The following GALNT10 variants were observed in gnomAD, a reference collection of about 807,000 sequenced individuals.
GALNT10 encodes GalNAc transferase 10.
GALNT10 carries 41 observed loss-of-function variants against 75.0 expected under a neutral mutation model. The observed-to-expected ratio is 0.55, with a 90% CI of 0.43 to 0.71. The LOEUF is 0.71. Ranked by LOEUF, GALNT10 falls within the 30% of genes least tolerant of loss-of-function variation. The probability of loss-of-function intolerance (pLI) is 0.00; values close to 1 mark genes in which losing one functional copy is unlikely to be tolerated. For missense variants in GALNT10, 727 were observed against 818.5 expected, an observed-to-expected ratio of 0.89 and a Z score of 1.36; for synonymous variants, 302 against 313.0, an observed-to-expected ratio of 0.96 and a Z score of 0.37.
chr5:154,349,737 A>T (rs55928698), intron 4 of GALNT10: 4,935 of 151,906 alleles, frequency 0.032, 107 homozygotes, highest in African/African-American at 0.061. Flanking sequence ...AAAAAAAAAA[A>T]TTTTTTTTAG....
intron 4 of GALNT10, among the ~76,000 whole-genome samples, chr5:154,370,233 G>A (rs78205721): frequency 0.012 from 1,787 of 152,316 alleles, 27 homozygotes; most frequent in African/African-American, 0.041. Context: ...GTTCGCAGAC[G>A]CCTCTGGCTT....
At chr5:154,255,149 C>T (rs1753586469) in intron 1 of GALNT10, among the ~76,000 whole-genome samples, 3 of 152,078 alleles carry the variant, frequency 2.0e-5, no homozygotes, top group Admixed American at 2.0e-4. Context: ...TGAGAAAATC[C>T]TTTCCCTAAC....
chr5:154,406,917 TAGAG>T (rs1409582708), intron 8 of GALNT10, among the ~76,000 whole-genome samples: 1 of 152,090 alleles, frequency 6.6e-6, no homozygotes, highest in East Asian at 1.9e-4. Context: ...GAGAGCCAGA[TAGAG>T]AGAGAAACTG....
intron 3 of GALNT10, among the ~76,000 whole-genome samples, chr5:154,320,210 A>G (rs1027859278): frequency 1.3e-5 from 2 of 152,230 alleles, no homozygotes; most frequent in African/African-American, 4.8e-5. Context: ...TTTAAAAGAC[A>G]GGCACACGTT....
chr5:154,241,132 G>T (rs1753329604), intron 1 of GALNT10, among the ~76,000 whole-genome samples: 1 of 152,110 alleles, frequency 6.6e-6, no homozygotes, highest in South Asian at 2.1e-4. Flanking sequence ...TTTGACTGAG[G>T]TTTTTCTGGA....
At chr5:154,415,624 C>T (rs1479116294) in intron 10 of GALNT10, among the ~76,000 whole-genome samples, 159 bp from the exon 11 acceptor site, 1 of 152,144 alleles carries the variant, frequency 6.6e-6, no homozygotes, top group Admixed American at 6.5e-5. Flanking sequence ...GCCACCGCAC[C>T]TGGCCAAGTT....
At chr5:154,198,188 C>G (rs1477376713) in intron 1 of GALNT10, among the ~76,000 whole-genome samples, 2 of 152,216 alleles carry the variant, frequency 1.3e-5, no homozygotes, top group Admixed American at 1.3e-4. Context: ...AGCTTTGGAG[C>G]TACACTGCCT....
At chr5:154,273,922 C>T (rs946450949) in intron 1 of GALNT10, among the ~76,000 whole-genome samples, 1 of 152,200 alleles carries the variant, frequency 6.6e-6, no homozygotes, top group African/African-American at 2.4e-5. Context: ...GGCTCCCCCT[C>T]CGCCTCCCAG....
At chr5:154,275,741 A>T (rs143541446) in intron 1 of GALNT10, among the ~76,000 whole-genome samples, 1 of 152,202 alleles carries the variant, frequency 6.6e-6, no homozygotes, top group South Asian at 2.1e-4. Flanking sequence ...TCTTCATAGC[A>T]TGGTGGCTGG....
At chr5:154,293,751 C>T (rs1181119192) in intron 1 of GALNT10, among the ~76,000 whole-genome samples, 1 of 152,016 alleles carries the variant, frequency 6.6e-6, no homozygotes, top group Non-Finnish European at 1.5e-5. Context: ...GCTTGCGGCA[C>T]TCCTTCTCCT....
At chr5:154,377,552 C>G (rs185780427) in intron 5 of GALNT10, among the ~76,000 whole-genome samples, 1 of 152,150 alleles carries the variant, frequency 6.6e-6, no homozygotes, top group African/African-American at 2.4e-5. Context: ...GCATGTCTAC[C>G]CAGCTTCCAG....
chr5:154,373,671 AC>A (rs1755611988), intron 4 of GALNT10, among the ~76,000 whole-genome samples: 1 of 151,874 alleles, frequency 6.6e-6, no homozygotes, highest in South Asian at 2.1e-4. Context: ...CAGCTCTAAA[AC>A]TCTATGCCTT....
At chr5:154,224,613 GATTCATTCATTTACC>G (rs1312835531) in intron 1 of GALNT10, among the ~76,000 whole-genome samples, 1 of 152,124 alleles carries the variant, frequency 6.6e-6, no homozygotes, top group East Asian at 1.9e-4. Flanking sequence ...AAGCTAACCA[GATTCATTCATTTACC>G]ATTCATTCAT....
Position 154,224,457 on chromosome 5 carries a change from G to A in GALNT10, c.159+33432G>A, listed in dbSNP as rs184680709. Reference sequence around the variant, plus strand: ...TTTGCATACTTCATTGCTCTCAGACGTAACAAGGGAGAAGAGAGAAACTCA... The same window carrying A: ...TTTGCATACTTCATTGCTCTCAGACATAACAAGGGAGAAGAGAGAAACTCA... On this transcript the variant is annotated intron_variant, in intron 1 of 11. Transcript: ENST00000297107. Among the ~76,000 whole-genome samples the A allele has an allele frequency of 4.5e-4, 69 of 152,204 alleles. 1 individual carries two copies. The highest frequency in any genetic ancestry group is 2.4e-3 in the Admixed American group (36 of 15,292).
intron 1 of GALNT10, among the ~76,000 whole-genome samples, chr5:154,209,546 A>G (rs1000676598): frequency 1.3e-5 from 2 of 152,206 alleles, no homozygotes; most frequent in African/African-American, 4.8e-5. Context: ...GGGTGCCACC[A>G]TGGTCAGGTT....
At position 154,190,849 on chromosome 5, in the gene GALNT10, C is replaced by T. The variant is rs932717173; in HGVS notation, c.-18C>T. The T allele has an allele frequency of 8.3e-6, 10 of 1,204,928 alleles. No homozygotes were observed. The highest frequency in any genetic ancestry group is 6.4e-5 in the African/African-American group (4 of 62,758). 74.6% of individuals were successfully genotyped at this position (1,204,928 alleles called of 1,614,324 possible). On this transcript the variant is annotated 5_prime_UTR_variant, in exon 1 of 12. Transcript: ENST00000297107. ...GCGCGGCGGGGCCGGCGGGGCGCGG[C>T]GGGGCTGACCGGCCCCGATGAGGCG...
At chr5:154,282,319 A>AC in intron 1 of GALNT10, among the ~76,000 whole-genome samples, 1 of 152,216 alleles carries the variant, frequency 6.6e-6, no homozygotes, top group Admixed American at 6.5e-5. Context: ...TTCAGTTTCC[A>AC]ACACACAAAC....
chr5:154,232,265 T>A (rs1472026056), intron 1 of GALNT10, among the ~76,000 whole-genome samples: 1 of 152,238 alleles, frequency 6.6e-6, no homozygotes, highest in East Asian at 1.9e-4. Flanking sequence ...CTGTTATCTG[T>A]CCTTTTAGTT....
intron 4 of GALNT10, among the ~76,000 whole-genome samples, chr5:154,330,533 A>C (rs1754840164): frequency 6.6e-6 from 1 of 152,194 alleles, no homozygotes; most frequent in Admixed American, 6.5e-5. Context: ...TCTGGCCCCA[A>C]GCATGTGATC....
Sources: allele counts gnomAD v4.1 joint callset (sites outside exome capture counted in the v4.1 genomes callset), GRCh38; gene constraint gnomAD v4.1.1; transcripts MANE v1.5; gene names NCBI Gene and HGNC (gene_info 2026-07-23, HGNC 2026-07-21).